The following EXOC6B variants were observed in gnomAD, a reference collection of about 807,000 sequenced individuals.
EXOC6B encodes SEC15 homolog B.
Under a neutral mutation model 113.5 loss-of-function variants are expected in EXOC6B, and 54 were observed. The ratio of observed to expected loss-of-function variants is 0.48; its 90% CI spans 0.38 to 0.60. The LOEUF is 0.60. EXOC6B is among the 20% of genes least tolerant of loss of function. The pLI is 0.00. For missense variants in EXOC6B, 797 were observed against 977.5 expected (o/e 0.82, Z 2.46); for synonymous variants, 357 against 339.0 (o/e 1.05, Z -0.58).
chr2:72,648,730 T>C (rs1673933435), intron 6 of EXOC6B, among the ~76,000 whole-genome samples: 1 of 152,184 alleles, frequency 6.6e-6, no homozygotes, highest in Non-Finnish European at 1.5e-5. Context: ...CAAGAAAGAA[T>C]GAGATGCAAA....
At chr2:72,780,589 GGT>G (rs1331987019) in intron 1 of EXOC6B, among the ~76,000 whole-genome samples, 6 of 152,262 alleles carry the variant, frequency 3.9e-5, no homozygotes, top group Non-Finnish European at 8.8e-5. Flanking sequence ...AGCTGTCAAA[GGT>G]TTCCTTCAAT....
At chr2:72,670,196 T>C (rs1675692293) in intron 6 of EXOC6B, among the ~76,000 whole-genome samples, 1 of 152,224 alleles carries the variant, frequency 6.6e-6, no homozygotes, top group African/African-American at 2.4e-5. Context: ...ATGCTGTCAA[T>C]ATTTCATTAT....
At chr2:72,184,284 A>AT in intron 20 of EXOC6B, 97 bp from the exon 21 acceptor site, 1 of 600,698 alleles carries the variant, frequency 1.7e-6, no homozygotes, top group Non-Finnish European at 3.0e-6. Flanking sequence ...CAGCTAATAA[A>AT]TTGGATATAT....
chr2:72,349,469 A>G (rs1400010601), intron 19 of EXOC6B, among the ~76,000 whole-genome samples: 4 of 152,188 alleles, frequency 2.6e-5, no homozygotes, highest in Non-Finnish European at 5.9e-5. Context: ...GACCTCCAGG[A>G]GGCGAGAAGT....
chr2:72,273,276 T>G (rs1684609449), intron 20 of EXOC6B, among the ~76,000 whole-genome samples: 1 of 152,210 alleles, frequency 6.6e-6, no homozygotes, highest in African/African-American at 2.4e-5. Context: ...CTTTTAATTC[T>G]ATTTTTTAAA....
chr2:72,532,052 G>T (rs372563367), intron 8 of EXOC6B, among the ~76,000 whole-genome samples: 2 of 152,082 alleles, frequency 1.3e-5, no homozygotes, highest in African/African-American at 4.8e-5. Context: ...GCTCCAAAGC[G>T]GAAACAGCCC....
rs539719407 is a variant in EXOC6B, at chr2:72,683,912, T to A, written c.669+34191A>T. Among the ~76,000 whole-genome samples the A allele has an allele frequency of 3.3e-5, 5 of 152,264 alleles. No homozygotes were observed. The South Asian group carries it at 1.0e-3, about 32-fold the overall frequency. ...CCAAAACAAGGCAGATAATTCTCTA[T>A]CTAGGCCACTGCAATTTACTTACTT... On this transcript the variant is annotated intron_variant, in intron 6 of 21. Coordinates refer to ENST00000272427, the MANE Select transcript of EXOC6B (RefSeq NM_015189.3).
intron 20 of EXOC6B, among the ~76,000 whole-genome samples, chr2:72,331,198 G>A (rs1300091717): frequency 1.3e-5 from 2 of 152,016 alleles, no homozygotes; most frequent in Non-Finnish European, 2.9e-5. Flanking sequence ...GGAATTTGCT[G>A]GTCATTCCTT....
chr2:72,456,792 T>C (rs953387892), intron 18 of EXOC6B, among the ~76,000 whole-genome samples: 18 of 152,094 alleles, frequency 1.2e-4, no homozygotes, highest in African/African-American at 4.3e-4. Context: ...TCTCCTTTCC[T>C]GAATAAAGTA....
rs200245745 is a variant in EXOC6B at position 72,593,615 on chromosome 2, C to A, written c.670-17947G>T. Among the ~76,000 whole-genome samples the A allele has an allele frequency of 8.8e-5, 11 of 124,882 alleles. No homozygotes were observed. In the East Asian group the frequency reaches 9.0e-4, roughly 10 times the overall value. 81.9% of individuals were successfully genotyped at this position (124,882 alleles called of 152,430 possible). On this transcript the variant is annotated intron_variant, in intron 6 of 21. Coordinates refer to ENST00000272427, the MANE Select transcript of EXOC6B (RefSeq NM_015189.3). ...GTAACCAAGCTCAAAGGAGATAAGA[C>A]AAGATGAACAAAAACCAATAGGGAT...
At chr2:72,481,609 A>G (rs969377362) in intron 16 of EXOC6B, among the ~76,000 whole-genome samples, 3 of 152,366 alleles carry the variant, frequency 2.0e-5, no homozygotes, top group Non-Finnish European at 4.4e-5. Context: ...CATGGGCATC[A>G]AAGTGAAAGT....
chr2:72,468,526 C>T (rs150677006), intron 17 of EXOC6B, among the ~76,000 whole-genome samples: 90 of 152,266 alleles, frequency 5.9e-4, no homozygotes, highest in African/African-American at 1.8e-3. Flanking sequence ...GCCAGAATCA[C>T]GCTATCTTGA....
chr2:72,423,186 G>GT (rs1292198859), intron 18 of EXOC6B, among the ~76,000 whole-genome samples: 9 of 151,906 alleles, frequency 5.9e-5, no homozygotes, highest in African/African-American at 2.2e-4. Flanking sequence ...CTTAAGAGCT[G>GT]TAACACTCAC....
At chr2:72,240,351 A>G (rs79377035) in intron 20 of EXOC6B, among the ~76,000 whole-genome samples, 1 of 152,306 alleles carries the variant, frequency 6.6e-6, no homozygotes, top group South Asian at 2.1e-4. Flanking sequence ...ATATATCCAA[A>G]CAGAAAAATG....
chr2:72,479,512 T>A (rs754949745), intron 17 of EXOC6B, among the ~76,000 whole-genome samples: 2 of 152,164 alleles, frequency 1.3e-5, no homozygotes, highest in Non-Finnish European at 2.9e-5. Flanking sequence ...TATATTTAAT[T>A]AATATCAATT....
intron 1 of EXOC6B, among the ~76,000 whole-genome samples, chr2:72,755,521 G>A (rs1362800553): frequency 6.6e-6 from 1 of 152,030 alleles, no homozygotes; most frequent in Admixed American, 6.6e-5. Context: ...TTACCCCAAA[G>A]AGAAGCACTA....
intron 20 of EXOC6B, chr2:72,288,733 T>C (rs1241418335): frequency 6.5e-6 from 1 of 153,046 alleles, no homozygotes; most frequent in Non-Finnish European, 1.5e-5. Flanking sequence ...GCCACCAAAA[T>C]GGTACACATG....
intron 6 of EXOC6B, among the ~76,000 whole-genome samples, chr2:72,674,647 T>C (rs1384236265): frequency 1.3e-5 from 2 of 151,844 alleles, no homozygotes; most frequent in African/African-American, 2.4e-5. Flanking sequence ...CTGGCTAACA[T>C]GGTGAAACCC....
chr2:72,701,421 C>A (rs1156578975), intron 6 of EXOC6B, among the ~76,000 whole-genome samples: 1 of 149,674 alleles, frequency 6.7e-6, no homozygotes, highest in Non-Finnish European at 1.5e-5. Flanking sequence ...CTAGAGATAT[C>A]AAAGTTGAAT....
Sources: allele counts gnomAD v4.1 joint callset (sites outside exome capture counted in the v4.1 genomes callset), GRCh38; gene constraint gnomAD v4.1.1; transcripts MANE v1.5; gene names NCBI Gene and HGNC (gene_info 2026-07-23, HGNC 2026-07-21).